Variants in GRM7 observed in about 807,000 individuals in gnomAD.
GRM7 encodes glutamate metabotropic receptor 7.
In GRM7, 35 loss-of-function variants were observed where a neutral mutation model predicts 84.5. The ratio of observed to expected loss-of-function variants is 0.41; its 90% confidence interval spans 0.32 to 0.55. The LOEUF is 0.55. Ranked by LOEUF, GRM7 falls within the 20% of genes least tolerant of loss-of-function variation. The pLI is 0.19. For missense variants in GRM7, 1,003 were observed against 1,194.6 expected (o/e 0.84, Z 2.36); for synonymous variants, 487 against 455.1 (o/e 1.07, Z -0.89).
chr3:7,635,277 T>C (rs7645292), intron 8 of GRM7, among the ~76,000 whole-genome samples: 105,416 of 151,972 alleles, frequency 0.69, 36,787 homozygotes, highest in South Asian at 0.83. Flanking sequence ...GATGGGACTT[T>C]GAAAAATCTC....
At chr3:7,427,081 T>G (rs62235476) in intron 5 of GRM7, among the ~76,000 whole-genome samples, 26 of 152,308 alleles carry the variant, frequency 1.7e-4, no homozygotes, top group Non-Finnish European at 3.4e-4. Flanking sequence ...CTGCATGTGA[T>G]AAATGTTTCA....
chr3:7,738,873 T>A (rs1467754957), intron 9 of GRM7, among the ~76,000 whole-genome samples: 1 of 152,132 alleles, frequency 6.6e-6, no homozygotes, highest in African/African-American at 2.4e-5. Flanking sequence ...AAACATCTTT[T>A]GAAAGTTTTC....
intron 2 of GRM7, among the ~76,000 whole-genome samples, chr3:7,229,697 TC>T (rs1348710107): frequency 2.3e-4 from 27 of 115,138 alleles, no homozygotes; most frequent in African/African-American, 7.3e-4. Flanking sequence ...CTGTTTTCCT[TC>T]CCCAACCCCG....
At chr3:7,667,136 G>A (rs2125129052) in intron 8 of GRM7, among the ~76,000 whole-genome samples, 1 of 152,172 alleles carries the variant, frequency 6.6e-6, no homozygotes, top group African/African-American at 2.4e-5. Context: ...AGAGGTGGTG[G>A]CACATGCCTG....
At chr3:7,613,265 A>G (rs544945814) in intron 8 of GRM7, among the ~76,000 whole-genome samples, 1 of 152,338 alleles carries the variant, frequency 6.6e-6, no homozygotes, top group South Asian at 2.1e-4. Context: ...TTTTATCAAT[A>G]AGAGATTTCC....
intron 4 of GRM7, among the ~76,000 whole-genome samples, chr3:7,394,660 A>C (rs2125148000): frequency 6.6e-6 from 1 of 151,908 alleles, no homozygotes; most frequent in South Asian, 2.1e-4. Flanking sequence ...TGCAGGCAGC[A>C]CTCAAATTCT....
intron 4 of GRM7, among the ~76,000 whole-genome samples, chr3:7,331,542 T>C (rs1701208558): frequency 6.6e-6 from 1 of 152,202 alleles, no homozygotes; most frequent in Non-Finnish European, 1.5e-5. Flanking sequence ...TTTTCTTCTC[T>C]AGTCATCTAG....
intron 2 of GRM7, among the ~76,000 whole-genome samples, chr3:7,235,965 TCA>T (rs995036036): frequency 1.3e-5 from 2 of 152,208 alleles, no homozygotes; most frequent in African/African-American, 4.8e-5. Flanking sequence ...CATTTATTTC[TCA>T]CAGTTCTGGA....
intron 1 of GRM7, among the ~76,000 whole-genome samples, chr3:6,889,036 T>C (rs1421883811): frequency 1.3e-5 from 2 of 152,188 alleles, no homozygotes; most frequent in Non-Finnish European, 2.9e-5. Flanking sequence ...TCTGTTTGTC[T>C]GTTATTTGTG....
intron 7 of GRM7, among the ~76,000 whole-genome samples, chr3:7,503,317 A>G (rs961835721): frequency 2.0e-5 from 3 of 152,108 alleles, no homozygotes; most frequent in African/African-American, 7.2e-5. Context: ...TGTCATGGGA[A>G]CAAGTCCAGG....
intron 5 of GRM7, among the ~76,000 whole-genome samples, chr3:7,422,818 G>C (rs1181911862): frequency 6.6e-6 from 1 of 152,092 alleles, no homozygotes; most frequent in Admixed American, 6.6e-5. Flanking sequence ...ATGAAGAAGA[G>C]TTCTGAAACT....
chr3:7,698,185 C>T (rs991895638), intron 9 of GRM7, among the ~76,000 whole-genome samples: 1 of 152,072 alleles, frequency 6.6e-6, no homozygotes, highest in Non-Finnish European at 1.5e-5. Context: ...GGGCCATTTG[C>T]AAGGGGAAAG....
intron 2 of GRM7, among the ~76,000 whole-genome samples, chr3:7,271,561 A>G (rs1575106543): frequency 4.1e-5 from 2 of 48,612 alleles, no homozygotes; most frequent in East Asian, 1.6e-3. Context: ...ACCGCCTCAA[A>G]TAAAAAAAAA....
At chr3:7,229,753 ATATATATT>A (rs1697118357) in intron 2 of GRM7, among the ~76,000 whole-genome samples, 66 of 29,278 alleles carry the variant, frequency 2.3e-3, no homozygotes, top group African/African-American at 6.0e-3. Flanking sequence ...ATATATATAT[ATATATATT>A]TTTTTTTTTT....
At chr3:7,185,147 G>A (rs778315648) in intron 2 of GRM7, among the ~76,000 whole-genome samples, 17 of 152,142 alleles carry the variant, frequency 1.1e-4, no homozygotes, top group African/African-American at 1.7e-4. Flanking sequence ...CTGCAAATGC[G>A]ACCACCATGG....
intron 4 of GRM7, among the ~76,000 whole-genome samples, chr3:7,334,402 G>T (rs924758256): frequency 1.3e-5 from 2 of 151,754 alleles, no homozygotes; most frequent in Non-Finnish European, 2.9e-5. Flanking sequence ...TACTAAAAAG[G>T]GTTCTAAATC....
At chr3:7,087,410 C>T (rs1274765807) in intron 1 of GRM7, among the ~76,000 whole-genome samples, 4 of 147,174 alleles carry the variant, frequency 2.7e-5, no homozygotes, top group Admixed American at 2.0e-4. Flanking sequence ...TTTTTTTACC[C>T]CAACCGAAAA....
At chr3:7,376,983 A>T (rs1694377883) in intron 4 of GRM7, among the ~76,000 whole-genome samples, 1 of 152,220 alleles carries the variant, frequency 6.6e-6, no homozygotes, top group Admixed American at 6.5e-5. Flanking sequence ...CCCCTGGGGG[A>T]CGAAATCACT....
chr3:7,107,285 G>C (rs914264948), intron 1 of GRM7, among the ~76,000 whole-genome samples: 5 of 152,018 alleles, frequency 3.3e-5, no homozygotes, highest in African/African-American at 1.2e-4. Flanking sequence ...ATAGGTGTCT[G>C]ATGCCTAGTA....
Sources: gnomAD v4.1 joint callset for allele counts (sites outside exome capture counted in the v4.1 genomes callset) on GRCh38, gnomAD v4.1.1 for gene constraint, MANE v1.5 for transcripts, NCBI Gene and HGNC (gene_info 2026-07-23, HGNC 2026-07-21) for gene names.